ERCC6: variants seen among roughly 807,000 people sequenced by gnomAD.
ERCC6 encodes the protein DNA excision repair protein ERCC-6.
In ERCC6, 116 loss-of-function variants were observed where a neutral mutation model predicts 158.7. The observed-to-expected ratio is 0.73, with a 90% CI of 0.63 to 0.85. The LOEUF is 0.85. Among genes scored for constraint, ERCC6 ranks in the 40% least tolerant of loss-of-function variants. The pLI, the probability that ERCC6 is intolerant of heterozygous loss-of-function variation, is 0.00. For synonymous variants in ERCC6, 678 were observed against 659.3 expected (o/e 1.03, Z -0.43); for missense variants, 1,698 against 1,799.4 (o/e 0.94, Z 1.02).
intron 5 of ERCC6, among the ~76,000 whole-genome samples, chr10:49,519,061 TC>T (rs924889517): frequency 3.9e-5 from 6 of 152,218 alleles, no homozygotes; most frequent in Non-Finnish European, 7.3e-5. Flanking sequence ...TGCCAGGTCT[TC>T]TAGACTCCTG....
Position 49,468,254 on chromosome 10 carries a change from C to T in ERCC6, c.3778+1928G>A, listed in dbSNP as rs192139039. ...GTTCTCTCCCTGTGCAGAGCTGTCTCCGCTATCGTCTCTTGCATGTGAATG... is the reference window on the plus strand; with the variant it reads ...GTTCTCTCCCTGTGCAGAGCTGTCTTCGCTATCGTCTCTTGCATGTGAATG... On this transcript the variant is annotated intron_variant, in intron 18 of 20. Coordinates refer to ENST00000355832, the MANE Select transcript of ERCC6 (RefSeq NM_000124.4). Among the ~76,000 whole-genome samples, 420 of 152,338 alleles carry T rather than the reference C, an allele frequency of 2.8e-3. 1 individual carries two copies. Among genetic ancestry groups the T allele is most frequent in the Admixed American group, 6.5e-3 (99 of 15,300 alleles).
At chr10:49,450,059 C>T (rs1351595557), downstream of ERCC6, among the ~76,000 whole-genome samples, 1 of 152,116 alleles carries the variant, frequency 6.6e-6, no homozygotes, top group East Asian at 1.9e-4. Context: ...TCTGTAGAGA[C>T]ATGACTTTGC....
chr10:49,473,366 C>A, intron 14 of ERCC6, 111 bp downstream of exon 14: 1 of 848,828 alleles, frequency 1.2e-6, no homozygotes, highest in Non-Finnish European at 2.1e-6. Flanking sequence ...AGGCCCCCTC[C>A]CAAGCCCAGA....
intron 6 of ERCC6, chr10:49,505,683 T>C (rs1851430835): frequency 6.5e-6 from 4 of 614,114 alleles, no homozygotes; most frequent in Non-Finnish European, 1.1e-5. Context: ...ACATACCCAA[T>C]GCACATTTTA....
intron 16 of ERCC6, 125 bp from the exon 17 acceptor site, chr10:49,471,245 A>G: frequency 1.1e-6 from 1 of 906,358 alleles, no homozygotes; most frequent in Non-Finnish European, 1.7e-6. Flanking sequence ...AATCCCCCAA[A>G]CTTTCAGCCT....
Position 49,526,135 on chromosome 10 carries a change from A to T in ERCC6, c.653-1358T>A, listed in dbSNP as rs375927208. On this transcript the variant is annotated intron_variant, in intron 4 of 20. Transcript: ENST00000355832. ...TATATTTTTATATATATATATATATATATATATATATATATATATATATAT... is the reference window on the plus strand; with the variant it reads ...TATATTTTTATATATATATATATATTTATATATATATATATATATATATAT... Among the ~76,000 whole-genome samples the T allele has an allele frequency of 7.4e-3, 148 of 20,088 alleles. 7 individuals carry two copies. Among genetic ancestry groups the T allele is most frequent in the African/African-American group, 0.013 (124 of 9,810 alleles). The allele number at this position is 20,088 out of a possible 152,430, so 13.2% of individuals were successfully genotyped here. A position where few individuals can be genotyped will look rare whatever the true frequency, so the allele number is the denominator to read the frequency against.
chr10:49,500,650 G>T lies in ERCC6; in HGVS notation c.1573C>A (p.Gln525Lys), dbSNP rs1167571649. The T allele has an allele frequency of 6.2e-7, 1 of 1,613,926 alleles. No individual in the cohort carries two copies. Among genetic ancestry groups the T allele is most frequent in the Middle Eastern group, 1.7e-4 (1 of 6,042 alleles). The stretch of plus-strand genomic sequence containing the variant: ...TCATCTCCCAGAATTCCTCCTGCCT[G>T]CTGGCAGTGCAATTCCCACAGCCAC... The part of the protein sequence containing the change: ...VRWLWELHCQ[Q>K]AGGILGDEMG... The change falls in exon 7 of 21, where the codon CAG (glutamine) becomes AAG (lysine). Residue 525 changes from glutamine (Q) to lysine (K), a missense_variant. By Grantham distance (53) the Gln-to-Lys change is moderately conservative (BLOSUM62 1). Coordinates refer to ENST00000355832, the MANE Select transcript of ERCC6 (RefSeq NM_000124.4).
At chr10:49,518,869 G>C (rs1416334073) in intron 5 of ERCC6, among the ~76,000 whole-genome samples, 1 of 152,148 alleles carries the variant, frequency 6.6e-6, no homozygotes, top group East Asian at 1.9e-4. Flanking sequence ...ACAATGAATG[G>C]AATCTTTATC....
the ERCC6 span, among the ~76,000 whole-genome samples, chr10:49,446,029 A>C: frequency 7.2e-5 from 11 of 152,330 alleles, no homozygotes; most frequent in East Asian, 1.7e-3. Flanking sequence ...ACACTCAGAC[A>C]ATTCATAACT....
chr10:49,529,031 T>C (rs1837407841), intron 3 of ERCC6, among the ~76,000 whole-genome samples: 1 of 152,138 alleles, frequency 6.6e-6, no homozygotes, highest in Admixed American at 6.5e-5. Context: ...TTCTACCTAA[T>C]CAAAAAGCTT....
chr10:49,473,608 G>C (rs772960415), intron 13 of ERCC6, 21 bp from the exon 14 acceptor site: 7 of 1,421,940 alleles, frequency 4.9e-6, no homozygotes, highest in Middle Eastern at 3.5e-4. Context: ...GTGGGGGATA[G>C]GAGTTTGCAA....
downstream of ERCC6, among the ~76,000 whole-genome samples, chr10:49,452,367 T>C (rs1010482927): frequency 6.6e-6 from 1 of 152,094 alleles, no homozygotes; most frequent in Non-Finnish European, 1.5e-5. Context: ...AGTAGTGTGT[T>C]GTTCAATTTC....
intron 18 of ERCC6, among the ~76,000 whole-genome samples, chr10:49,464,396 A>C (rs1850636244): frequency 6.6e-6 from 1 of 152,254 alleles, no homozygotes; most frequent in Non-Finnish European, 1.5e-5. Flanking sequence ...TAAGGGAAGC[A>C]GTGCATAAAA....
chr10:49,461,817 A>T (rs1322497560), intron 18 of ERCC6, among the ~76,000 whole-genome samples: 1 of 152,224 alleles, frequency 6.6e-6, no homozygotes, highest in Non-Finnish European at 1.5e-5. Flanking sequence ...TTCTATTTAC[A>T]GTAACAGAAA....
At chr10:49,438,079 C>A in the ERCC6 span, among the ~76,000 whole-genome samples, 1 of 152,142 alleles carries the variant, frequency 6.6e-6, no homozygotes, top group South Asian at 2.1e-4. Context: ...TCTTGAACTG[C>A]AGTTGGTTGC....
intron 8 of ERCC6, among the ~76,000 whole-genome samples, chr10:49,485,089 G>C (rs1851053693): frequency 6.6e-6 from 1 of 152,222 alleles, no homozygotes; most frequent in African/African-American, 2.4e-5. Context: ...CGTGGACAAA[G>C]AGGAAGGCAT....
chr10:49,524,248 G>A lies in ERCC6; in HGVS notation c.1182C>T (p.Asp394=), dbSNP rs56296961. The part of the protein sequence containing the change: ...EDDEVEGAEA[D]LSGDGTDYEL... ...CATAGTCAGTACCATCTCCAGACAG[G>A]TCCGCCTCTGCCCCCTCCACCTCGT... The change falls in exon 5 of 21, where the codon GAC becomes GAT. Residue 394 remains aspartate, a synonymous_variant. Coordinates refer to ENST00000355832, the MANE Select transcript of ERCC6 (RefSeq NM_000124.4). The A allele has an allele frequency of 9.3e-6, 15 of 1,613,982 alleles. No individual in the cohort carries two copies. In the East Asian group the frequency reaches 3.1e-4, roughly 34 times the overall value.
intron 5 of ERCC6, among the ~76,000 whole-genome samples, chr10:49,507,724 T>C (rs138563314): frequency 2.6e-5 from 4 of 152,272 alleles, no homozygotes; most frequent in East Asian, 3.9e-4. Context: ...GTTAGAACTG[T>C]GGAAGGAGTC....
intron 5 of ERCC6, 135 bp downstream of exon 5, chr10:49,523,898 C>A: frequency 1.5e-6 from 2 of 1,311,692 alleles, no homozygotes; most frequent in Non-Finnish European, 2.1e-6. Flanking sequence ...CAGGTTAAGG[C>A]TGCAGAAATC....
Sources: allele counts gnomAD v4.1 joint callset (sites outside exome capture counted in the v4.1 genomes callset), GRCh38; gene constraint gnomAD v4.1.1; transcripts MANE v1.5; gene names NCBI Gene and HGNC (gene_info 2026-07-23, HGNC 2026-07-21).